The following RBFOX1 variants were observed in gnomAD, a reference collection of about 807,000 sequenced individuals.
The protein encoded by RBFOX1 is RNA binding fox-1 homolog 1.
A neutral mutation model predicts 57.7 loss-of-function variants in RBFOX1; 8 were observed. That is an observed-to-expected ratio of 0.14 (90% CI 0.08 to 0.25). RBFOX1 has a LOEUF of 0.25. Among genes scored for constraint, RBFOX1 ranks in the 10% least tolerant of loss-of-function variants. The pLI is 1.00. For synonymous variants in RBFOX1, 326 were observed against 222.4 expected (o/e 1.47, Z -4.15); for missense variants, 611 against 548.5 (o/e 1.11, Z -1.14).
chr16:5,941,779 A>G (rs748215072), intron 4 of RBFOX1, among the ~76,000 whole-genome samples: 1 of 152,020 alleles, frequency 6.6e-6, no homozygotes, highest in Non-Finnish European at 1.5e-5. Flanking sequence ...CCGTGAGCTC[A>G]TAGCTTCTCA....
chr16:7,099,885 G>C (rs997983418), intron 4 of RBFOX1, among the ~76,000 whole-genome samples: 1 of 152,138 alleles, frequency 6.6e-6, no homozygotes, highest in Non-Finnish European at 1.5e-5. Context: ...GCAGGTTTTA[G>C]GGAGAATAGA....
rs567347065 is a variant in RBFOX1 at position 7,659,628 on chromosome 16, A to C, written c.891-5301A>C. The stretch of plus-strand genomic sequence containing the variant: ...AAAAAGAATCTCATAATGTTTTAAG[A>C]AAGTTAATGGATTTGTGTTGGGGCT... On this transcript the variant is annotated intron_variant, in intron 12 of 15. Coordinates refer to ENST00000550418, the MANE Select transcript of RBFOX1 (RefSeq NM_018723.4). Among the ~76,000 whole-genome samples the C allele has an allele frequency of 3.3e-5, 5 of 152,320 alleles. No individual in the cohort carries two copies. In the South Asian group the frequency reaches 1.0e-3, roughly 32 times the overall value.
At chr16:6,142,381 G>A (rs946238958) in intron 1 of RBFOX1, among the ~76,000 whole-genome samples, 5 of 151,358 alleles carry the variant, frequency 3.3e-5, no homozygotes, top group Admixed American at 6.6e-5. Context: ...GCCTCCGCAC[G>A]TGGCTAATTT....
At chr16:6,510,775 A>G (rs1047577929) in intron 2 of RBFOX1, among the ~76,000 whole-genome samples, 1 of 152,054 alleles carries the variant, frequency 6.6e-6, no homozygotes, top group Admixed American at 6.6e-5. Flanking sequence ...AAAGACAACA[A>G]TTTGTTGCCA....
At chr16:7,682,266 A>G (rs2074955856) in intron 14 of RBFOX1, among the ~76,000 whole-genome samples, 1 of 152,120 alleles carries the variant, frequency 6.6e-6, no homozygotes, top group South Asian at 2.1e-4. Context: ...GTCTCTGAGA[A>G]ATCTGTTGGA....
intron 1 of RBFOX1, among the ~76,000 whole-genome samples, chr16:6,190,386 G>T (rs1391814265): frequency 6.6e-6 from 1 of 152,160 alleles, no homozygotes; most frequent in Non-Finnish European, 1.5e-5. Context: ...CAGGTATGTA[G>T]CATCCGGGGT....
intron 3 of RBFOX1, among the ~76,000 whole-genome samples, chr16:6,874,846 G>C (rs1250314155): frequency 1.3e-5 from 2 of 152,082 alleles, no homozygotes; most frequent in African/African-American, 4.8e-5. Context: ...CAAAATCTCA[G>C]AAATGACACC....
intron 2 of RBFOX1, among the ~76,000 whole-genome samples, chr16:5,541,274 A>G (rs1490903176): frequency 6.6e-6 from 1 of 152,106 alleles, no homozygotes; most frequent in East Asian, 1.9e-4. Flanking sequence ...TGTATTGTGA[A>G]CGCTGAAAAT....
chr16:7,383,040 G>C (rs74665670), intron 4 of RBFOX1, among the ~76,000 whole-genome samples: 11,001 of 152,110 alleles, frequency 0.072, 506 homozygotes, highest in East Asian at 0.19. Flanking sequence ...CTAAAGAGTA[G>C]AGAATTTTCT....
At chr16:6,615,913 T>A (rs950556895) in intron 2 of RBFOX1, among the ~76,000 whole-genome samples, 2 of 152,174 alleles carry the variant, frequency 1.3e-5, no homozygotes, top group African/African-American at 4.8e-5. Flanking sequence ...CCATCCCTCA[T>A]AACCTCCCTC....
chr16:5,993,284 T>G (rs1296898781), intron 4 of RBFOX1, among the ~76,000 whole-genome samples: 1 of 152,232 alleles, frequency 6.6e-6, no homozygotes, highest in South Asian at 2.1e-4. Context: ...GTAGCATGTA[T>G]GTGAAAACCA....
At chr16:6,436,546 T>C (rs2094240965) in intron 2 of RBFOX1, among the ~76,000 whole-genome samples, 1 of 151,586 alleles carries the variant, frequency 6.6e-6, no homozygotes, top group Non-Finnish European at 1.5e-5. Context: ...TAAAAAGTTT[T>C]ATTTCACATA....
chr16:7,478,467 T>C (rs1019286973), intron 4 of RBFOX1, among the ~76,000 whole-genome samples: 2 of 152,140 alleles, frequency 1.3e-5, no homozygotes, highest in African/African-American at 4.8e-5. Context: ...AGTGCTTTAG[T>C]GTTCACAGTA....
intron 4 of RBFOX1, among the ~76,000 whole-genome samples, chr16:7,193,008 C>T (rs936321392): frequency 2.0e-5 from 3 of 152,180 alleles, no homozygotes; most frequent in African/African-American, 4.8e-5. Context: ...CAAAATAATG[C>T]CCTTGCCTTA....
chr16:6,677,463 C>G (rs2057929937), intron 3 of RBFOX1, among the ~76,000 whole-genome samples: 1 of 152,106 alleles, frequency 6.6e-6, no homozygotes, highest in East Asian at 1.9e-4. Context: ...CTACCTACAT[C>G]AAAAGATCCT....
intron 2 of RBFOX1, among the ~76,000 whole-genome samples, chr16:6,332,582 C>T (rs1187849559): frequency 6.6e-6 from 1 of 152,166 alleles, no homozygotes; most frequent in Admixed American, 6.5e-5. Context: ...GTTCATGTCA[C>T]AGCATAGCGT....
At chr16:6,980,774 A>C (rs555275100) in intron 3 of RBFOX1, among the ~76,000 whole-genome samples, 1 of 152,218 alleles carries the variant, frequency 6.6e-6, no homozygotes, top group East Asian at 1.9e-4. Flanking sequence ...CAGGTACAGT[A>C]GCTCATGCCT....
chr16:7,541,621 T>A (rs2082961902), intron 5 of RBFOX1, among the ~76,000 whole-genome samples: 2 of 152,182 alleles, frequency 1.3e-5, no homozygotes, highest in Admixed American at 1.3e-4. Flanking sequence ...GTGTTTTGTC[T>A]TTCATCTATT....
chr16:5,591,494 G>A (rs1042274256), intron 2 of RBFOX1, among the ~76,000 whole-genome samples: 1 of 152,060 alleles, frequency 6.6e-6, no homozygotes, highest in Non-Finnish European at 1.5e-5. Flanking sequence ...CAGGTGATCT[G>A]CCTGACTCAG....
Sources: gnomAD v4.1 joint callset for allele counts (sites outside exome capture counted in the v4.1 genomes callset) on GRCh38, gnomAD v4.1.1 for gene constraint, MANE v1.5 for transcripts, NCBI Gene and HGNC (gene_info 2026-07-23, HGNC 2026-07-21) for gene names.